The following MALRD1 variants were observed in gnomAD, a reference collection of about 807,000 sequenced individuals.
The protein encoded by MALRD1 is MAM and LDL receptor class A domain containing 1.
Under a neutral mutation model 242.1 loss-of-function variants are expected in MALRD1, and 247 were observed. That is an observed-to-expected ratio of 1.02 (90% CI 0.92 to 1.13). The LOEUF is 1.13. Among genes scored for constraint, MALRD1 ranks in the 50% most tolerant of loss-of-function variants. MALRD1 has a pLI of 0.00. For missense variants in MALRD1, 2,989 were observed against 2,533.1 expected (o/e 1.18, Z -3.86); for synonymous variants, 995 against 866.6 (o/e 1.15, Z -2.60).
chr10:19,236,684 T>G (rs1414215956), intron 18 of MALRD1, among the ~76,000 whole-genome samples: 3 of 152,192 alleles, frequency 2.0e-5, no homozygotes, highest in Admixed American at 6.5e-5. Context: ...GGTTACTGTA[T>G]AGAAAATTTG....
At chr10:19,078,623 A>G (rs964662539) in intron 2 of MALRD1, among the ~76,000 whole-genome samples, 5 of 151,794 alleles carry the variant, frequency 3.3e-5, no homozygotes, top group Admixed American at 1.3e-4. Context: ...AATGTTTCGT[A>G]TAATTTACTA....
At chr10:19,167,753 C>T (rs1588641245) in intron 13 of MALRD1, among the ~76,000 whole-genome samples, 1 of 152,082 alleles carries the variant, frequency 6.6e-6, no homozygotes, top group East Asian at 1.9e-4. Flanking sequence ...GAGGATGAAT[C>T]GAGCTCCCCC....
chr10:19,368,089 A>G (rs1362291945), intron 26 of MALRD1, among the ~76,000 whole-genome samples: 1 of 151,988 alleles, frequency 6.6e-6, no homozygotes, highest in Non-Finnish European at 1.5e-5. Context: ...TTTCTTTGCT[A>G]TGCTAAAACT....
At chr10:19,335,382 G>A (rs1430468091) in intron 24 of MALRD1, among the ~76,000 whole-genome samples, 1 of 151,912 alleles carries the variant, frequency 6.6e-6, no homozygotes, top group African/African-American at 2.4e-5. Context: ...TTTTAACATA[G>A]CATTGCTAAT....
chr10:19,332,425 A>G (rs1456442804), intron 24 of MALRD1, among the ~76,000 whole-genome samples: 2 of 152,150 alleles, frequency 1.3e-5, no homozygotes, highest in Non-Finnish European at 2.9e-5. Context: ...CTCATAATGA[A>G]CACCATATAT....
intron 28 of MALRD1, among the ~76,000 whole-genome samples, chr10:19,411,260 G>A (rs1833266314): frequency 6.6e-6 from 1 of 152,112 alleles, no homozygotes; most frequent in African/African-American, 2.4e-5. Context: ...AAGATATGAA[G>A]AACACAAACT....
intron 21 of MALRD1, among the ~76,000 whole-genome samples, chr10:19,306,012 T>C (rs1320770494): frequency 7.7e-5 from 9 of 117,042 alleles, no homozygotes; most frequent in Admixed American, 7.2e-4. Context: ...TATTATACTA[T>C]ATATTATATA....
chr10:19,439,624 G>T (rs1834520840), intron 28 of MALRD1, among the ~76,000 whole-genome samples: 1 of 152,062 alleles, frequency 6.6e-6, no homozygotes, highest in African/African-American at 2.4e-5. Context: ...TATTTAGAGT[G>T]CAGTACATTA....
chr10:19,181,172 A>G (rs1477337174), intron 14 of MALRD1, among the ~76,000 whole-genome samples: 1 of 152,194 alleles, frequency 6.6e-6, no homozygotes, highest in African/African-American at 2.4e-5. Flanking sequence ...GAAATTAGCA[A>G]TAAAACTACC....
At chr10:19,250,876 G>T (rs368252459) in intron 18 of MALRD1, among the ~76,000 whole-genome samples, 18 of 151,946 alleles carry the variant, frequency 1.2e-4, no homozygotes, top group African/African-American at 4.1e-4. Context: ...TTAGCAGAAA[G>T]AATTCTCTGT....
At chr10:19,521,339 C>T (rs1378426466) in intron 31 of MALRD1, among the ~76,000 whole-genome samples, 2 of 152,020 alleles carry the variant, frequency 1.3e-5, no homozygotes, top group East Asian at 1.9e-4. Context: ...GTCACTCTGT[C>T]ACCACATCAT....
At position 19,388,965 on chromosome 10, in the gene MALRD1, T is replaced by C. The variant is rs181020008; in HGVS notation, c.4688-487T>C. Among the ~76,000 whole-genome samples, 13 of 151,368 alleles carry C rather than the reference T, an allele frequency of 8.6e-5. No homozygotes were observed. In the East Asian group the frequency reaches 2.5e-3, roughly 29 times the overall value. On this transcript the variant is annotated intron_variant, in intron 27 of 39. Coordinates refer to ENST00000454679, the MANE Select transcript of MALRD1 (RefSeq NM_001142308.3). ...ATTCAAACACTCAGCTCTACATACA[T>C]GAAATGTTATGGATATGTCAATGTG...
intron 18 of MALRD1, among the ~76,000 whole-genome samples, chr10:19,251,137 C>T (rs1222334528): frequency 1.3e-5 from 2 of 151,768 alleles, no homozygotes; most frequent in African/African-American, 4.8e-5. Context: ...TTGATTTAAC[C>T]ATTCCAGTGT....
intron 31 of MALRD1, among the ~76,000 whole-genome samples, chr10:19,523,452 G>A (rs535722313): frequency 2.5e-4 from 38 of 152,184 alleles, no homozygotes; most frequent in Non-Finnish European, 1.3e-4. Context: ...CTAAATAAAA[G>A]CATCTACCAT....
At chr10:19,607,560 C>T (rs944099795) in intron 34 of MALRD1, among the ~76,000 whole-genome samples, 3 of 151,984 alleles carry the variant, frequency 2.0e-5, no homozygotes, top group Non-Finnish European at 2.9e-5. Context: ...TGCACATCTG[C>T]GAAGTGATTT....
Position 19,719,913 on chromosome 10 carries a change from T to TTC in MALRD1, c.6315-10779_6315-10778dup, listed in dbSNP as rs3071796. Among the ~76,000 whole-genome samples, 887 of 151,798 alleles carry TTC rather than the reference T, an allele frequency of 5.8e-3. 11 individuals carry two copies. The highest frequency in any genetic ancestry group is 0.024 in the East Asian group (126 of 5,162). On this transcript the variant is annotated intron_variant, in intron 38 of 39. Transcript: ENST00000454679. ...TTTACTATTTACATTCTCTTATAAT[T>TTC]TCTCTCTCTCTCTCTTTTTATTAGC... is the stretch of plus-strand genomic sequence containing the variant.
At chr10:19,246,074 T>G (rs1263759682) in intron 18 of MALRD1, among the ~76,000 whole-genome samples, 3 of 152,152 alleles carry the variant, frequency 2.0e-5, no homozygotes, top group African/African-American at 7.2e-5. Context: ...TCTGTGCTTT[T>G]AGTTCTGTGG....
At chr10:19,321,779 T>C (rs1290779403) in intron 21 of MALRD1, among the ~76,000 whole-genome samples, 1 of 152,118 alleles carries the variant, frequency 6.6e-6, no homozygotes. Flanking sequence ...TTTTTCCTTC[T>C]TGCTCCCACT....
chr10:19,326,661 A>T (rs1440845557), intron 22 of MALRD1, among the ~76,000 whole-genome samples: 1 of 152,050 alleles, frequency 6.6e-6, no homozygotes, highest in African/African-American at 2.4e-5. Context: ...TGCTAGTAAC[A>T]CATTATTTTT....
Sources: gnomAD v4.1 joint callset for allele counts (sites outside exome capture counted in the v4.1 genomes callset) on GRCh38, gnomAD v4.1.1 for gene constraint, MANE v1.5 for transcripts, NCBI Gene and HGNC (gene_info 2026-07-23, HGNC 2026-07-21) for gene names.